The following HPS4 variants were observed in gnomAD, a reference collection of about 807,000 sequenced individuals.
HPS4 encodes the protein BLOC-3 complex member HPS4.
Under a neutral mutation model 70.3 loss-of-function variants are expected in HPS4, and 44 were observed. The observed-to-expected ratio is 0.63, with a 90% confidence interval of 0.49 to 0.80. The LOEUF is 0.80. HPS4 is among the 30% of genes least tolerant of loss of function. The pLI is 0.00. For missense variants in HPS4, 873 were observed against 884.4 expected (o/e 0.99, Z 0.16); for synonymous variants, 377 against 355.9 (o/e 1.06, Z -0.67).
intron 8 of HPS4, 172 bp downstream of exon 8, chr22:26,468,379 C>A (rs2089112798): frequency 3.0e-6 from 2 of 662,364 alleles, no homozygotes; most frequent in Non-Finnish European, 5.6e-6. Context: ...TTTCTTTCAG[C>A]CTCACCAATG....
chr22:26,447,400 A>G (rs1208406183), downstream of HPS4, among the ~76,000 whole-genome samples: 1 of 152,162 alleles, frequency 6.6e-6, no homozygotes, highest in African/African-American at 2.4e-5. Flanking sequence ...ATGAGCCAAT[A>G]AGTGCGCCTT....
downstream of HPS4, among the ~76,000 whole-genome samples, chr22:26,448,918 G>A (rs1216176110): frequency 2.6e-5 from 4 of 152,176 alleles, no homozygotes; most frequent in Non-Finnish European, 5.9e-5. Context: ...GAGCCGGGTG[G>A]CAGTCAGAAT....
At chr22:26,472,253 G>A (rs1239751289) in intron 6 of HPS4, 49 bp downstream of exon 6, 2 of 1,106,572 alleles carry the variant, frequency 1.8e-6, no homozygotes, top group African/African-American at 3.1e-5. Flanking sequence ...AAAGTATCCA[G>A]AAGCCCTAGT....
exon 4 of HPS4, chr22:26,444,644 A>G (rs1374747907): frequency 1.3e-5 from 2 of 152,270 alleles, no homozygotes; most frequent in African/African-American, 2.4e-5. Flanking sequence ...TCGCAGGTGC[A>G]GGTCCAGTGT....
intron 13 of HPS4, among the ~76,000 whole-genome samples, chr22:26,457,294 A>G (rs1019551017): frequency 2.1e-5 from 3 of 139,602 alleles, no homozygotes; most frequent in Non-Finnish European, 3.0e-5. Context: ...TCAGCTCACT[A>G]TAACCTCTGC....
In HPS4 at chr22:26,451,421, C is replaced by T. The variant is rs1385430390; in HGVS notation, c.*1812G>A. 6.6e-6 allele frequency: 1 copy of T among 152,202 alleles called. No individual in the cohort carries two copies. The highest frequency in any genetic ancestry group is 1.5e-5 in the Non-Finnish European group (1 of 68,052). 9.4% of individuals were successfully genotyped at this position (152,202 alleles called of 1,614,324 possible). On this transcript the variant is annotated 3_prime_UTR_variant, in exon 14 of 14. Coordinates refer to ENST00000398145, the MANE Select transcript of HPS4 (RefSeq NM_022081.6). ...CAGTGCCCTGGGGCTCTGAGCAGAA[C>T]CTCCACTGCAGAAACTAAGCAGGAT...
At chr22:26,445,186 T>A (rs1206412228) in intron 3 of HPS4, among the ~76,000 whole-genome samples, 3 of 152,084 alleles carry the variant, frequency 2.0e-5, no homozygotes, top group Admixed American at 2.0e-4. Context: ...ACAAACAAAC[T>A]AGCTGAGTGT....
intron 3 of HPS4, chr22:26,445,105 CG>C (rs2084909258): frequency 6.6e-6 from 1 of 152,412 alleles, no homozygotes; most frequent in Non-Finnish European, 1.5e-5. Context: ...GGAAGCTGAG[CG>C]GGGAGGATTG....
chr22:26,464,431 G>A lies in HPS4; in HGVS notation c.1199C>T (p.Pro400Leu). ...GGCGCTGAGAGATGCCTTGCAGTAA[G>A]GAGCCCTGCCATCTGGAACAGGCAC... ...LHVPVPDGRA[P>L]YCKASLSASS... The change falls in exon 11 of 14, where the codon CCT becomes CTT. Residue 400 changes from proline to leucine, a missense_variant. Coordinates refer to ENST00000398145, the MANE Select transcript of HPS4 (RefSeq NM_022081.6). The A allele has an allele frequency of 6.2e-7, 1 of 1,614,202 alleles. No homozygotes were observed. The highest frequency in any genetic ancestry group is 8.5e-7 in the Non-Finnish European group (1 of 1,180,040).
At chr22:26,466,864 C>A (rs1173694017) in intron 8 of HPS4, 1 of 155,794 alleles carries the variant, frequency 6.4e-6, no homozygotes, top group Admixed American at 6.2e-5. Context: ...ACAAGAACTG[C>A]TCTTCTAGCC....
chr22:26,477,980 A>G lies in HPS4; in HGVS notation c.133-844T>C, dbSNP rs115250132. On this transcript the variant is annotated intron_variant, in intron 3 of 13. Transcript: ENST00000398145. ...ATATGTGGATGCTGTTTGGATCCTT[A>G]TTAGGAAAAAGAAAAAGAAATGGAA... Among the ~76,000 whole-genome samples the G allele has an allele frequency of 3.3e-3, 508 of 152,298 alleles. 4 individuals carry two copies. Among genetic ancestry groups the G allele is most frequent in the African/African-American group, 0.012 (480 of 41,558 alleles).
At chr22:26,478,640 A>G (rs956080724) in intron 3 of HPS4, among the ~76,000 whole-genome samples, 11 of 151,178 alleles carry the variant, frequency 7.3e-5, no homozygotes, top group Middle Eastern at 3.5e-3. Flanking sequence ...ATGAGGGTTC[A>G]TGATACTTGC....
At chr22:26,461,163 G>A (rs761612030) in intron 11 of HPS4, among the ~76,000 whole-genome samples, 6 of 152,256 alleles carry the variant, frequency 3.9e-5, no homozygotes, top group South Asian at 2.1e-4. Flanking sequence ...CGTGCAGCAG[G>A]AGCAATGCAT....
Position 26,464,718 on chromosome 22 carries a change from C to T in HPS4, c.912G>A (p.Met304Ile). The change falls in exon 11 of 14, where the codon ATG becomes ATA. Residue 304 changes from methionine to isoleucine, a missense_variant. Coordinates refer to ENST00000398145, the MANE Select transcript of HPS4 (RefSeq NM_022081.6). ...ATGTGGGATCTGGGGTGGTCCAGGC[C>T]ATGGATTCCACATGGCCAGTGGCGT... ...KENATGHVES[M>I]AWTTPDPTSP... The T allele has an allele frequency of 6.2e-7, 1 of 1,601,770 alleles. No individual in the cohort carries two copies. Among genetic ancestry groups the T allele is most frequent in the Non-Finnish European group, 8.5e-7 (1 of 1,172,340 alleles).
At chr22:26,469,514 C>T (rs2089404701) in intron 7 of HPS4, among the ~76,000 whole-genome samples, 1 of 151,362 alleles carries the variant, frequency 6.6e-6, no homozygotes. Flanking sequence ...GTGTGTTCCT[C>T]TATTGATTGA....
At position 26,451,998 on chromosome 22, in the gene HPS4, GCGCGCGCACACA is replaced by G. The variant is rs1480904451; in HGVS notation, c.*1223_*1234del. The G allele has an allele frequency of 1.6e-3, 99 of 61,386 alleles. No homozygotes were observed. The highest frequency in any genetic ancestry group is 6.3e-3 in the African/African-American group (84 of 13,268). The allele number at this position is 61,386 out of a possible 1,614,324, so 3.8% of individuals were successfully genotyped here. On this transcript the variant is annotated 3_prime_UTR_variant, in exon 14 of 14. Coordinates refer to ENST00000398145, the MANE Select transcript of HPS4 (RefSeq NM_022081.6). ...ATGCGCCCACGTTACGCGCGCGCGC[GCGCGCGCACACA>G]CACACACACACACACACACACACAC...
At chr22:26,482,370 G>GGGA (rs2091367335) in intron 1 of HPS4, 130 bp from the exon 2 acceptor site, 1 of 155,324 alleles carries the variant, frequency 6.4e-6, no homozygotes, top group African/African-American at 2.4e-5. Flanking sequence ...AAATCAAAGA[G>GGGA]GGAGGCTTGC....
intron 3 of HPS4, among the ~76,000 whole-genome samples, chr22:26,445,486 A>G (rs948333949): frequency 1.5e-4 from 23 of 152,248 alleles, no homozygotes; most frequent in African/African-American, 5.3e-4. Context: ...GGGTGGGGAC[A>G]AGAGCACATC....
intron 8 of HPS4, chr22:26,468,023 C>T (rs1329854718): frequency 6.4e-6 from 1 of 155,284 alleles, no homozygotes; most frequent in Non-Finnish European, 1.4e-5. Context: ...CTGCCTCAGC[C>T]TCCCAAGTAG....
Sources: gnomAD v4.1 joint callset for allele counts (sites outside exome capture counted in the v4.1 genomes callset) on GRCh38, gnomAD v4.1.1 for gene constraint, MANE v1.5 for transcripts, NCBI Gene and HGNC (gene_info 2026-07-23, HGNC 2026-07-21) for gene names.